KIF13A: variants seen among roughly 807,000 people sequenced by gnomAD.
The protein encoded by KIF13A is kinesin-like protein KIF13A.
KIF13A carries 79 observed loss-of-function variants against 212.2 expected under a neutral mutation model. The observed-to-expected ratio is 0.37, with a 90% CI of 0.31 to 0.45. The LOEUF is 0.45. KIF13A is among the 20% of genes least tolerant of loss of function. KIF13A has a pLI of 1.00. For missense variants in KIF13A, 1,901 were observed against 2,209.0 expected (o/e 0.86, Z 2.79); for synonymous variants, 789 against 808.6 (o/e 0.98, Z 0.41).
In KIF13A at chr6:17,829,941, G is replaced by T. The variant is rs77603531; in HGVS notation, c.1401+1160C>A. Among the ~76,000 whole-genome samples, 1 of 152,172 alleles carries T rather than the reference G, an allele frequency of 6.6e-6. No individual in the cohort carries two copies. Among genetic ancestry groups the T allele is most frequent in the South Asian group, 2.1e-4 (1 of 4,824 alleles). ...CTGTTCTCAAGCAGGCAATACCTTC[G>T]CATTTAGAGATTCAGGTGTGTGGAC... On this transcript the variant is annotated intron_variant, in intron 13 of 38. Coordinates refer to ENST00000259711, the MANE Select transcript of KIF13A (RefSeq NM_022113.6). This position sits in a 1 kb window ranked among gnomAD's most constrained non-coding sequence, Gnocchi z 5.4.
At chr6:17,796,850 T>C in intron 22 of KIF13A, 30 bp from the exon 23 acceptor site, 1 of 1,439,102 alleles carries the variant, frequency 6.9e-7, no homozygotes, top group Non-Finnish European at 9.2e-7. Context: ...GCAAAAGAAT[T>C]ATGCTTAAAG....
At chr6:17,760,386 T>C (rs1758534561), downstream of KIF13A, 1 of 153,094 alleles carries the variant, frequency 6.5e-6, no homozygotes, top group Non-Finnish European at 1.5e-5. Flanking sequence ...ATCTGCATTT[T>C]AGTGTGCAGC....
intron 35 of KIF13A, 127 bp downstream of exon 35, chr6:17,774,884 TTTTC>T (rs1340796252): frequency 1.2e-5 from 7 of 594,672 alleles, no homozygotes; most frequent in South Asian, 5.1e-5. Context: ...GCCCAGAGAT[TTTTC>T]TTTTTCTTTT....
In KIF13A at chr6:17,764,664, G is replaced by C. The variant is rs1277467697; in HGVS notation, c.4864C>G (p.Gln1622Glu). ...MVVPSSDSSDQLAIQTKDADS... is the reference protein window; with the variant it reads ...MVVPSSDSSDELAIQTKDADS... ...GCATCCTTCGTCTGAATGGCCAGCT[G>C]GTCTGAGCTGTCACTAGAAGGGACC... The change falls in exon 39 of 39, where the codon CAG (glutamine) becomes GAG (glutamate). Residue 1622 changes from glutamine to glutamate, a missense_variant. Gln to Glu is a conservative substitution (Grantham distance 29). Transcript: ENST00000259711. The surrounding 1 kb of genome is among the most constrained non-coding windows in gnomAD (Gnocchi z 5.1). 3 of 1,613,732 alleles carry C rather than the reference G, an allele frequency of 1.9e-6. No homozygotes were observed. Among genetic ancestry groups the C allele is most frequent in the Admixed American group, 1.7e-5 (1 of 59,984 alleles).
chr6:17,835,245 A>T (rs1765842530), intron 11 of KIF13A, among the ~76,000 whole-genome samples: 1 of 125,790 alleles, frequency 7.9e-6, no homozygotes. Flanking sequence ...AAAAAGAAAC[A>T]GAAAAAGAAA....
At chr6:17,802,724 G>A (rs1021700253) in intron 20 of KIF13A, among the ~76,000 whole-genome samples, 1 of 151,982 alleles carries the variant, frequency 6.6e-6, no homozygotes, top group Non-Finnish European at 1.5e-5. Flanking sequence ...CTCAGCCACT[G>A]AATCACTCTG....
chr6:17,852,290 C>G (rs1367270283), intron 6 of KIF13A, among the ~76,000 whole-genome samples: 1 of 152,142 alleles, frequency 6.6e-6, no homozygotes, highest in African/African-American at 2.4e-5. Context: ...AGTCACAAAC[C>G]TTCCTGGGTT....
chr6:17,853,089 T>TG (rs949869503), intron 6 of KIF13A, among the ~76,000 whole-genome samples: 47 of 152,304 alleles, frequency 3.1e-4, no homozygotes, highest in African/African-American at 1.0e-3. Context: ...CACCAATATA[T>TG]GGGAAAAAGG....
rs113026761 is a variant in KIF13A, at chr6:17,954,768, G to A, written c.146+32286C>T. ...AGCTCACTGTAGCCTCAAACTCATA[G>A]GCTCAAGGGATCCTCCCTCCTTAGC... On this transcript the variant is annotated intron_variant, in intron 2 of 38. Coordinates refer to ENST00000259711, the MANE Select transcript of KIF13A (RefSeq NM_022113.6). 2.2e-4 allele frequency among the ~76,000 whole-genome samples: 33 copies of A among 152,068 alleles called. 1 individual carries two copies. The highest frequency in any genetic ancestry group is 8.0e-4 in the African/African-American group (33 of 41,398).
At chr6:17,959,853 G>A (rs1237166484) in intron 2 of KIF13A, among the ~76,000 whole-genome samples, 1 of 152,052 alleles carries the variant, frequency 6.6e-6, no homozygotes, top group Non-Finnish European at 1.5e-5. Context: ...GAGAAACCTC[G>A]TCTTTCCTAA....
chr6:17,987,172 A>G lies in KIF13A; in HGVS notation c.56-28T>C, dbSNP rs775154930. 39 of 1,567,440 alleles carry G rather than the reference A, an allele frequency of 2.5e-5. No homozygotes were observed. The African/African-American group carries it at 4.2e-4, about 17-fold the overall frequency. On this transcript the variant is annotated intron_variant, in intron 1 of 38. Transcript: ENST00000259711. The surrounding 1 kb of genome is among the most constrained non-coding windows in gnomAD (Gnocchi z 7.7). ...GAAAGCAGAGAGAAAGGGACGTTGC[A>G]AAGTCCAGCATCCGCGCCTCCAGCC...
chr6:17,915,406 G>T lies in KIF13A; in HGVS notation c.147-17226C>A. Among the ~76,000 whole-genome samples, 1 of 152,198 alleles carries T rather than the reference G, an allele frequency of 6.6e-6. No individual in the cohort carries two copies. The highest frequency in any genetic ancestry group is 3.2e-3 in the Middle Eastern group (1 of 316). Reference sequence around the variant, plus strand: ...TTAACATATTATAAAGCTTTTAAAAGCAGCAGAGTAACACACGCGATGCAA... The same window carrying T: ...TTAACATATTATAAAGCTTTTAAAATCAGCAGAGTAACACACGCGATGCAA... On this transcript the variant is annotated intron_variant, in intron 2 of 38. Transcript: ENST00000259711. This position sits in a 1 kb window ranked among gnomAD's most constrained non-coding sequence, Gnocchi z 4.4.
intron 16 of KIF13A, chr6:17,822,039 A>G (rs1581420435): frequency 1.4e-6 from 1 of 692,416 alleles, no homozygotes; most frequent in African/African-American, 2.2e-5. Flanking sequence ...GGGAAACATA[A>G]CTTCTTTTTT....
At position 17,926,864 on chromosome 6, in the gene KIF13A, G is replaced by A. The variant is rs1409270246; in HGVS notation, c.147-28684C>T. The stretch of plus-strand genomic sequence containing the variant: ...AAAGAAGAGAAAGCAGGGACTGGGC[G>A]CGGTGGCTCATACCTGTAATCTCGG... On this transcript the variant is annotated intron_variant, in intron 2 of 38. Coordinates refer to ENST00000259711, the MANE Select transcript of KIF13A (RefSeq NM_022113.6). This position sits in a 1 kb window ranked among gnomAD's most constrained non-coding sequence, Gnocchi z 4.3. 4.6e-5 allele frequency among the ~76,000 whole-genome samples: 7 copies of A among 152,014 alleles called. No individual in the cohort carries two copies. The highest frequency in any genetic ancestry group is 1.9e-4 in the East Asian group (1 of 5,188).
chr6:17,986,369 TACC>T (rs1317256584), intron 2 of KIF13A, among the ~76,000 whole-genome samples: 17 of 152,216 alleles, frequency 1.1e-4, no homozygotes, highest in African/African-American at 4.1e-4. Flanking sequence ...ATCCAACAGT[TACC>T]ACTTTTCAAA....
At chr6:17,851,785 T>A (rs1242871574) in intron 7 of KIF13A, among the ~76,000 whole-genome samples, 170 bp downstream of exon 7, 1 of 152,196 alleles carries the variant, frequency 6.6e-6, no homozygotes, top group Non-Finnish European at 1.5e-5. Context: ...GCTTGAAGAG[T>A]GTGATTAAAA....
chr6:17,864,321 G>A lies in KIF13A; in HGVS notation c.221-8199C>T, dbSNP rs1050187016. Among the ~76,000 whole-genome samples the A allele has an allele frequency of 2.0e-5, 3 of 152,094 alleles. No homozygotes were observed. The East Asian group carries it at 5.8e-4, about 29-fold the overall frequency. On this transcript the variant is annotated intron_variant, in intron 4 of 38. Coordinates refer to ENST00000259711, the MANE Select transcript of KIF13A (RefSeq NM_022113.6). ...TGACCACAATGCCAATTTCCTCTGG[G>A]GTTTATGATTAGACCTTCTATAATC...
At chr6:17,916,136 G>A (rs188984287) in intron 2 of KIF13A, among the ~76,000 whole-genome samples, 3 of 152,118 alleles carry the variant, frequency 2.0e-5, no homozygotes, top group Admixed American at 1.3e-4. Flanking sequence ...TCACACTAGT[G>A]GCAAGCGTTC....
chr6:17,821,970 A>T lies in KIF13A; in HGVS notation c.1786+3798T>A, dbSNP rs373075532. 70 of 1,519,182 alleles carry T rather than the reference A, an allele frequency of 4.6e-5. 1 individual carries two copies. The African/African-American group carries it at 6.5e-4, about 14-fold the overall frequency. The allele number at this position is 1,519,182 out of a possible 1,614,324, so 94.1% of individuals were successfully genotyped here. A position where few individuals can be genotyped will look rare whatever the true frequency, so the allele number is the denominator to read the frequency against. On this transcript the variant is annotated intron_variant, in intron 16 of 38. Transcript: ENST00000259711. The stretch of plus-strand genomic sequence containing the variant: ...ACCGGCACATCAGCACTTGCATCAG[A>T]GACTGTGTGTATGCCCCAAAGGGAA...
Sources: gnomAD v4.1 joint callset for allele counts (sites outside exome capture counted in the v4.1 genomes callset) on GRCh38, gnomAD v4.1.1 for gene constraint, Gnocchi (gnomAD v3.1) non-coding constraint, MANE v1.5 for transcripts, NCBI Gene and HGNC (gene_info 2026-07-23, HGNC 2026-07-21) for gene names.